STARD13: variants seen among roughly 807,000 people sequenced by gnomAD.
STARD13 encodes StAR related lipid transfer domain containing 13, also known as stAR-related lipid transfer protein 13.
Under a neutral mutation model 106.4 loss-of-function variants are expected in STARD13, and 62 were observed. That is an observed-to-expected ratio of 0.58 (90% CI 0.48 to 0.72). STARD13 has a LOEUF of 0.72. STARD13 is among the 30% of genes least tolerant of loss of function. The pLI is 0.00. For missense variants in STARD13, 1,387 were observed against 1,424.0 expected, an observed-to-expected ratio of 0.97 and a Z score of 0.42; for synonymous variants, 565 against 553.0, an observed-to-expected ratio of 1.02 and a Z score of -0.31.
At chr13:33,617,583 A>G in the STARD13 span, among the ~76,000 whole-genome samples, 2 of 152,260 alleles carry the variant, frequency 1.3e-5, no homozygotes, top group East Asian at 3.9e-4. Flanking sequence ...CCATATCATC[A>G]TTTTTTCTTT....
chr13:33,389,808 A>G, the STARD13 span, among the ~76,000 whole-genome samples: 5 of 152,280 alleles, frequency 3.3e-5, no homozygotes, highest in South Asian at 4.1e-4. Flanking sequence ...TTCGTTTATT[A>G]TGTTTGAGTG....
chr13:33,232,793 A>G (rs1021103899), intron 1 of STARD13, among the ~76,000 whole-genome samples: 11 of 152,230 alleles, frequency 7.2e-5, no homozygotes, highest in African/African-American at 2.7e-4. Context: ...AAACTCACTC[A>G]ATCACTACAT....
At chr13:33,670,809 G>A in the STARD13 span, among the ~76,000 whole-genome samples, 1 of 152,172 alleles carries the variant, frequency 6.6e-6, no homozygotes, top group African/African-American at 2.4e-5. Context: ...CTGCCTCATT[G>A]CATTAGCTAG....
chr13:33,263,916 T>A (rs1231790532), intron 1 of STARD13, among the ~76,000 whole-genome samples: 1 of 152,208 alleles, frequency 6.6e-6, no homozygotes, highest in Non-Finnish European at 1.5e-5. Context: ...TGAGCAGACC[T>A]TTATGGCTAT....
downstream of STARD13, among the ~76,000 whole-genome samples, chr13:33,345,109 C>T (rs2078004236): frequency 6.6e-6 from 1 of 152,170 alleles, no homozygotes; most frequent in Non-Finnish European, 1.5e-5. Context: ...ACCTGCTGTG[C>T]ATGTAGGGTT....
At chr13:33,594,590 T>A in the STARD13 span, among the ~76,000 whole-genome samples, 1 of 152,172 alleles carries the variant, frequency 6.6e-6, no homozygotes, top group Admixed American at 6.5e-5. Context: ...TCATTAACGT[T>A]GTTGTGCAAT....
the STARD13 span, among the ~76,000 whole-genome samples, chr13:33,642,538 A>G: frequency 1.3e-5 from 2 of 152,166 alleles, no homozygotes; most frequent in Admixed American, 1.3e-4. Context: ...AGGCTTCCAA[A>G]CATTCCAAGG....
chr13:33,384,566 G>A, the STARD13 span, among the ~76,000 whole-genome samples: 5 of 152,100 alleles, frequency 3.3e-5, no homozygotes, highest in African/African-American at 7.2e-5. Flanking sequence ...AAATAATCCT[G>A]GAAGTAGAGT....
At chr13:33,116,769 C>T (rs1875430500) in intron 8 of STARD13, among the ~76,000 whole-genome samples, 3 of 152,210 alleles carry the variant, frequency 2.0e-5, no homozygotes, top group Admixed American at 6.5e-5. Context: ...CAACTTGTAC[C>T]ATTAACTTAA....
chr13:33,256,001 A>G (rs1456812497), intron 1 of STARD13, among the ~76,000 whole-genome samples: 1 of 152,242 alleles, frequency 6.6e-6, no homozygotes, highest in African/African-American at 2.4e-5. Flanking sequence ...ATAAATATAC[A>G]TACATAAGTT....
At chr13:33,291,776 C>A (rs1181314033) in intron 1 of STARD13, among the ~76,000 whole-genome samples, 3 of 152,192 alleles carry the variant, frequency 2.0e-5, no homozygotes, top group Admixed American at 6.5e-5. Flanking sequence ...TATATATGAT[C>A]TAAATGTTTT....
the STARD13 span, among the ~76,000 whole-genome samples, chr13:33,594,643 C>T: frequency 3.3e-5 from 5 of 152,066 alleles, no homozygotes; most frequent in Admixed American, 6.6e-5. Flanking sequence ...CTTCTCACAC[C>T]GAAACTCAAC....
the STARD13 span, among the ~76,000 whole-genome samples, chr13:33,542,609 C>T: frequency 1.1e-4 from 17 of 152,230 alleles, no homozygotes; most frequent in African/African-American, 4.1e-4. Context: ...AACCAGGGCC[C>T]GCTGGCGCCG....
At position 33,109,889 on chromosome 13, in the gene STARD13, C is replaced by G. The variant is rs749927431; in HGVS notation, c.3031G>C (p.Asp1011His). 6.2e-7 allele frequency: 1 copy of G among 1,614,258 alleles called. No individual in the cohort carries two copies. Among genetic ancestry groups the G allele is most frequent in the South Asian group, 1.1e-5 (1 of 91,084 alleles). Residue 1011 changes from aspartate (D) to histidine (H), a missense_variant, in exon 12 of 14, where the codon GAC (aspartate) becomes CAC (histidine). By Grantham distance (81) the Asp-to-His change is moderately conservative. Coordinates refer to ENST00000336934, the MANE Select transcript of STARD13 (RefSeq NM_178006.4). ...LNSMAPHPSRDFVVLRTWKTD... is the reference protein window; with the variant it reads ...LNSMAPHPSRHFVVLRTWKTD... ...CAGGCTCACCTGAGAACCACAAAGT[C>G]TCTGGAAGGATGGGGAGCCATGCTG...
the STARD13 span, among the ~76,000 whole-genome samples, chr13:33,413,204 A>G: frequency 1.3e-5 from 2 of 152,190 alleles, no homozygotes; most frequent in African/African-American, 4.8e-5. Flanking sequence ...AAGTTTTAAA[A>G]CATACATTAA....
chr13:33,580,606 A>G, the STARD13 span, among the ~76,000 whole-genome samples: 1 of 152,144 alleles, frequency 6.6e-6, no homozygotes, highest in Non-Finnish European at 1.5e-5. Context: ...ACACGAATAA[A>G]ATATGTTAAT....
At chr13:33,201,073 A>C (rs1566069646) in intron 1 of STARD13, among the ~76,000 whole-genome samples, 1 of 150,562 alleles carries the variant, frequency 6.6e-6, no homozygotes, top group Non-Finnish European at 1.5e-5. Context: ...ATAAAAATAA[A>C]AATAAAAAAA....
At chr13:33,421,524 G>C in the STARD13 span, among the ~76,000 whole-genome samples, 3 of 152,122 alleles carry the variant, frequency 2.0e-5, no homozygotes, top group African/African-American at 7.2e-5. Context: ...GTACAAAGAG[G>C]AGCTGTTACC....
Position 33,140,762 on chromosome 13 carries a change from C to CTTTTTT in STARD13, c.387+1547_387+1548insAAAAAA, listed in dbSNP as rs1190491022. 9.1e-5 allele frequency among the ~76,000 whole-genome samples: 13 copies of CTTTTTT among 142,328 alleles called. 1 individual carries two copies. Among genetic ancestry groups the CTTTTTT allele is most frequent in the African/African-American group, 2.9e-4 (11 of 37,724 alleles). 93.4% of individuals were successfully genotyped at this position (142,328 alleles called of 152,430 possible). A position where few individuals can be genotyped will look rare whatever the true frequency, so the allele number is the denominator to read the frequency against. On this transcript the variant is annotated intron_variant, in intron 4 of 13. Coordinates refer to ENST00000336934, the MANE Select transcript of STARD13 (RefSeq NM_178006.4). ...GACCAGGATAAAAACACTTTCTTTT[C>CTTTTTT]TTTCTTTTTTTTTTTTTTGAGGCGG... is the stretch of plus-strand genomic sequence containing the variant.
Sources: allele counts gnomAD v4.1 joint callset (sites outside exome capture counted in the v4.1 genomes callset), GRCh38; gene constraint gnomAD v4.1.1; transcripts MANE v1.5; gene names NCBI Gene and HGNC (gene_info 2026-07-23, HGNC 2026-07-21).